HGF: variants seen among roughly 807,000 people sequenced by gnomAD.
HGF encodes the protein hepatocyte growth factor, also known as fibroblast-derived tumor cytotoxic factor.
HGF carries 39 observed loss-of-function variants against 111.6 expected under a neutral mutation model. The ratio of observed to expected loss-of-function variants is 0.35; its 90% CI spans 0.27 to 0.46. The LOEUF (loss-of-function observed/expected upper bound fraction) is 0.46. HGF is among the 20% of genes least tolerant of loss of function. The pLI is 1.00. For missense variants in HGF, 735 were observed against 910.5 expected (o/e 0.81, Z 2.48); for synonymous variants, 285 against 294.8 (o/e 0.97, Z 0.34).
At position 81,709,334 on chromosome 7, in the gene HGF, A is replaced by G. The variant is rs73712547; in HGVS notation, c.1541+813T>C. 9.3e-3 allele frequency among the ~76,000 whole-genome samples: 1,413 copies of G among 152,268 alleles called. 30 individuals carry two copies. The highest frequency in any genetic ancestry group is 0.032 in the African/African-American group (1,346 of 41,558). On this transcript the variant is annotated intron_variant, in intron 13 of 17. Coordinates refer to ENST00000222390, the MANE Select transcript of HGF (RefSeq NM_000601.6). ...CAAGAGACAATGTGGTTCAAATTCA[A>G]TGTATCTTGGGGTGTGTTGCATGGT...
rs1788536605 is a variant in HGF at position 81,752,184 on chromosome 7, G to A, written c.561C>T (p.Pro187=). ...CRNPRGEEGG[P]WCFTSNPEVR... ...CCTCTGGATTGCTTGTGAAACACCAGGGTCCCCCTTCTTCCCCTCGAGGAT... is the reference window on the plus strand; with the variant it reads ...CCTCTGGATTGCTTGTGAAACACCAAGGTCCCCCTTCTTCCCCTCGAGGAT... Residue 187 remains proline, a synonymous_variant, in exon 5 of 18, where the codon CCC becomes CCT. Transcript: ENST00000222390. 6.2e-7 allele frequency: 1 copy of A among 1,613,584 alleles called. No individual in the cohort carries two copies. Among genetic ancestry groups the A allele is most frequent in the East Asian group, 2.2e-5 (1 of 44,854 alleles).
chr7:81,702,692 A>T lies in HGF; in HGVS notation c.2076T>A (p.Val692=). The T allele has an allele frequency of 6.2e-7, 1 of 1,611,922 alleles. No individual in the cohort carries two copies. Among genetic ancestry groups the T allele is most frequent in the Non-Finnish European group, 8.5e-7 (1 of 1,178,494 alleles). ...HKMRMVLGVI[V]PGRGCAIPNR... ...TTGGAATGGCACATCCACGACCAGG[A>T]ACAATGACACCAAGAACCATTCTCA... is the stretch of plus-strand genomic sequence containing the variant. The change falls in exon 18 of 18, where the codon GTT becomes GTA. Residue 692 remains valine (V), a synonymous_variant. Transcript: ENST00000222390.
chr7:81,720,262 G>T (rs1263440263), intron 10 of HGF, among the ~76,000 whole-genome samples: 3 of 151,970 alleles, frequency 2.0e-5, no homozygotes, highest in South Asian at 2.1e-4. Flanking sequence ...AATAGTTAAG[G>T]TTTAGTATTT....
chr7:81,725,817 G>C (rs1789990536), intron 9 of HGF, 73 bp downstream of exon 9: 1 of 1,525,242 alleles, frequency 6.6e-7, no homozygotes, highest in South Asian at 1.1e-5. Context: ...ATCTTATGCT[G>C]TAAAATGTGT....
Position 81,712,859 on chromosome 7 carries a change from AT to A in HGF, c.1406-1341del, listed in dbSNP as rs765576459. Among the ~76,000 whole-genome samples the A allele has an allele frequency of 4.6e-5, 7 of 152,318 alleles. No individual in the cohort carries two copies. The East Asian group carries it at 7.7e-4, about 17-fold the overall frequency. The stretch of plus-strand genomic sequence containing the variant: ...AATTAATATATACTTATTTAAGTTC[AT>A]TTTTCAGATCTAGATATTTTAAATG... On this transcript the variant is annotated intron_variant, in intron 11 of 17. Transcript: ENST00000222390.
chr7:81,754,368 A>G (rs1251313187), intron 4 of HGF, among the ~76,000 whole-genome samples: 1 of 151,958 alleles, frequency 6.6e-6, no homozygotes, highest in Non-Finnish European at 1.5e-5. Context: ...TCCCCTCTAC[A>G]CATGCACACC....
At chr7:81,765,358 A>G (rs1789305965) in intron 1 of HGF, among the ~76,000 whole-genome samples, 1 of 152,120 alleles carries the variant, frequency 6.6e-6, no homozygotes, top group Non-Finnish European at 1.5e-5. Context: ...TGTACCTCAC[A>G]AAAACAGTCT....
At chr7:81,733,899 C>G (rs566453058) in intron 7 of HGF, among the ~76,000 whole-genome samples, 1 of 152,204 alleles carries the variant, frequency 6.6e-6, no homozygotes, top group South Asian at 2.1e-4. Context: ...CCTCCTGCAG[C>G]CCTGCTGTAT....
At chr7:81,741,359 C>G (rs1450405704) in intron 7 of HGF, among the ~76,000 whole-genome samples, 1 of 152,128 alleles carries the variant, frequency 6.6e-6, no homozygotes, top group Non-Finnish European at 1.5e-5. Context: ...TAGCATGTTA[C>G]TTGCATAACT....
chr7:81,768,294 C>G (rs774094157), intron 1 of HGF, among the ~76,000 whole-genome samples: 1 of 152,150 alleles, frequency 6.6e-6, no homozygotes, highest in Non-Finnish European at 1.5e-5. Flanking sequence ...ACATTTTAAT[C>G]TTTAAAAATG....
intron 3 of HGF, 77 bp from the exon 4 acceptor site, chr7:81,757,380 C>A: frequency 1.3e-6 from 1 of 763,938 alleles, no homozygotes. Context: ...TCCGTTCAAA[C>A]CTGTAAGTAA....
intron 1 of HGF, among the ~76,000 whole-genome samples, chr7:81,767,811 TC>T (rs1789438943): frequency 6.6e-6 from 1 of 152,158 alleles, no homozygotes; most frequent in African/African-American, 2.4e-5. Flanking sequence ...ATAATTATAA[TC>T]AAAGCTAGTA....
chr7:81,742,327 G>A (rs1356883599), intron 7 of HGF, among the ~76,000 whole-genome samples: 1 of 152,136 alleles, frequency 6.6e-6, no homozygotes, highest in Non-Finnish European at 1.5e-5. Flanking sequence ...AGTTAGGTTT[G>A]TTCAGAGGAA....
At chr7:81,738,392 T>C (rs1281913354) in intron 7 of HGF, among the ~76,000 whole-genome samples, 1 of 152,276 alleles carries the variant, frequency 6.6e-6, no homozygotes, top group Non-Finnish European at 1.5e-5. Context: ...CTTCCAATTT[T>C]ATTACATATT....
At chr7:81,757,425 A>G (rs1013326792) in intron 3 of HGF, 122 bp from the exon 4 acceptor site, 2 of 665,940 alleles carry the variant, frequency 3.0e-6, no homozygotes, top group African/African-American at 1.8e-5. Flanking sequence ...TAACATTGAA[A>G]TTTCTTGCCT....
At chr7:81,768,630 C>G (rs1381427250) in intron 1 of HGF, among the ~76,000 whole-genome samples, 1 of 152,142 alleles carries the variant, frequency 6.6e-6, no homozygotes, top group South Asian at 2.1e-4. Context: ...CTGCCCGCCT[C>G]GGCCTCCCAA....
At chr7:81,717,673 A>C (rs1411145401) in intron 10 of HGF, among the ~76,000 whole-genome samples, 1 of 152,024 alleles carries the variant, frequency 6.6e-6, no homozygotes, top group African/African-American at 2.4e-5. Context: ...TGTGCATAGA[A>C]ATAAGAAAAA....
At chr7:81,736,529 A>G (rs1033426736) in intron 7 of HGF, among the ~76,000 whole-genome samples, 7 of 152,096 alleles carry the variant, frequency 4.6e-5, no homozygotes, top group Non-Finnish European at 1.5e-5. Context: ...AAACTTTATC[A>G]TAAGAATATA....
At chr7:81,712,654 T>G (rs1259425800) in intron 11 of HGF, among the ~76,000 whole-genome samples, 1 of 152,178 alleles carries the variant, frequency 6.6e-6, no homozygotes, top group Non-Finnish European at 1.5e-5. Flanking sequence ...TCCTGGAGCT[T>G]AATGTGTGAC....
Sources: allele counts gnomAD v4.1 joint callset (sites outside exome capture counted in the v4.1 genomes callset), GRCh38; gene constraint gnomAD v4.1.1; transcripts MANE v1.5; gene names NCBI Gene and HGNC (gene_info 2026-07-23, HGNC 2026-07-21).